Variants in SLC25A48 observed in about 807,000 individuals in gnomAD.
The protein encoded by SLC25A48 is CTC-321K16.1.
In SLC25A48, 29 loss-of-function variants were observed where a neutral mutation model predicts 32.2. That is an observed-to-expected ratio of 0.90 (90% CI 0.67 to 1.23). The LOEUF is 1.23. SLC25A48 is among the 50% of genes most tolerant of loss of function. SLC25A48 has a pLI of 0.00. For synonymous variants in SLC25A48, 164 were observed against 172.3 expected (o/e 0.95, Z 0.38); for missense variants, 399 against 422.7 (o/e 0.94, Z 0.49).
At chr5:135,741,868 G>T (rs1755508235) in intron 3 of SLC25A48, among the ~76,000 whole-genome samples, 1 of 152,168 alleles carries the variant, frequency 6.6e-6, no homozygotes, top group African/African-American at 2.4e-5. Flanking sequence ...ACAAAAAGGG[G>T]TTAATAAGGA....
At chr5:135,861,430 G>A (rs542335864) in intron 4 of SLC25A48, among the ~76,000 whole-genome samples, 55 of 152,060 alleles carry the variant, frequency 3.6e-4, no homozygotes, top group Admixed American at 7.2e-4. Context: ...CCCAAAAAAG[G>A]TTAGACAGCT....
chr5:135,683,207 A>G (rs1753940527), intron 3 of SLC25A48, among the ~76,000 whole-genome samples: 1 of 152,162 alleles, frequency 6.6e-6, no homozygotes, highest in Non-Finnish European at 1.5e-5. Context: ...ATCAGTATTG[A>G]CCAAGGAATG....
intron 3 of SLC25A48, among the ~76,000 whole-genome samples, chr5:135,726,603 T>C (rs1755096851): frequency 6.6e-6 from 1 of 152,238 alleles, no homozygotes; most frequent in Admixed American, 6.5e-5. Flanking sequence ...TTACTCAGCG[T>C]AATGCTCTGG....
chr5:135,615,489 A>G (rs1475653630), intron 1 of SLC25A48, among the ~76,000 whole-genome samples: 1 of 152,178 alleles, frequency 6.6e-6, no homozygotes, highest in African/African-American at 2.4e-5. Context: ...TGGTAGAAGA[A>G]ATTTCTAAGC....
chr5:135,646,571 T>C (rs1181313010), intron 3 of SLC25A48, among the ~76,000 whole-genome samples: 1 of 151,364 alleles, frequency 6.6e-6, no homozygotes, highest in Non-Finnish European at 1.5e-5. Flanking sequence ...ATCTAATTCA[T>C]GTAAAGTACT....
intron 3 of SLC25A48, among the ~76,000 whole-genome samples, chr5:135,702,104 CTATACATTG>C (rs1754408251): frequency 6.6e-6 from 1 of 152,214 alleles, no homozygotes; most frequent in Non-Finnish European, 1.5e-5. Context: ...GCTACAAAGT[CTATACATTG>C]AGCCACCTCA....
chr5:135,830,866 G>A (rs1758186298), upstream of SLC25A48, among the ~76,000 whole-genome samples: 1 of 152,174 alleles, frequency 6.6e-6, no homozygotes, highest in African/African-American at 2.4e-5. Flanking sequence ...GTGGCAGATA[G>A]GTCAGACGGG....
chr5:135,791,038 G>C (rs2126632852), intron 3 of SLC25A48, among the ~76,000 whole-genome samples: 1 of 151,972 alleles, frequency 6.6e-6, no homozygotes, highest in Non-Finnish European at 1.5e-5. Context: ...TACAACATAT[G>C]TGTTCACCCT....
At chr5:135,842,295 A>T in intron 1 of SLC25A48, 121 bp from the exon 2 acceptor site, 1 of 1,001,100 alleles carries the variant, frequency 1.0e-6, no homozygotes, top group African/African-American at 1.6e-5. Context: ...GAGCCCACCC[A>T]CTCCCCCTAC....
chr5:135,686,281 T>C (rs2126954469), intron 3 of SLC25A48, among the ~76,000 whole-genome samples: 1 of 152,242 alleles, frequency 6.6e-6, no homozygotes, highest in South Asian at 2.1e-4. Flanking sequence ...TTTCTGTGGG[T>C]TGTAGAGAGG....
intron 3 of SLC25A48, among the ~76,000 whole-genome samples, chr5:135,850,815 A>G (rs1759792673): frequency 6.6e-6 from 1 of 152,226 alleles, no homozygotes; most frequent in South Asian, 2.1e-4. Flanking sequence ...TCACAAAGGA[A>G]TGAGTGACTG....
At chr5:135,816,088 G>C (rs975904285) in intron 4 of SLC25A48, among the ~76,000 whole-genome samples, 65 of 152,248 alleles carry the variant, frequency 4.3e-4, no homozygotes, top group African/African-American at 1.6e-3. Context: ...AGGAGAGAGA[G>C]AGCGTGCAGG....
chr5:135,617,608 G>A (rs1195870914), intron 1 of SLC25A48, among the ~76,000 whole-genome samples: 4 of 151,110 alleles, frequency 2.6e-5, no homozygotes, highest in Non-Finnish European at 5.9e-5. Context: ...TTCCCTGTTA[G>A]CACTGCTTTT....
intron 1 of SLC25A48, among the ~76,000 whole-genome samples, chr5:135,596,715 T>G (rs1379884455): frequency 6.6e-6 from 1 of 152,186 alleles, no homozygotes; most frequent in African/African-American, 2.4e-5. Context: ...GGGAATTTTC[T>G]TATCCTGTGT....
intron 3 of SLC25A48, chr5:135,812,446 G>C (rs1757612825): frequency 6.6e-6 from 1 of 152,172 alleles, no homozygotes; most frequent in Admixed American, 6.5e-5. Flanking sequence ...AATAGTCCTG[G>C]TGATAGGTGG....
chr5:135,581,990 T>G (rs113570599), intron 1 of SLC25A48, among the ~76,000 whole-genome samples: 142 of 152,310 alleles, frequency 9.3e-4, no homozygotes, highest in African/African-American at 3.2e-3. Flanking sequence ...AGTGGCACTG[T>G]CTGCTTCAAG....
chr5:135,861,313 GCACACACACACACA>G (rs10561751), intron 4 of SLC25A48, among the ~76,000 whole-genome samples: 1 of 145,690 alleles, frequency 6.9e-6, no homozygotes, highest in African/African-American at 2.5e-5. Flanking sequence ...AAATACACAC[GCACACACACACACA>G]CACACACACA....
intron 3 of SLC25A48, among the ~76,000 whole-genome samples, chr5:135,646,947 G>T (rs1300362453): frequency 6.6e-6 from 1 of 151,524 alleles, no homozygotes; most frequent in Non-Finnish European, 1.5e-5. Flanking sequence ...TATATTATAT[G>T]ATATACAATA....
Position 135,808,558 on chromosome 5 carries a change from G to A in SLC25A48, c.-520-3965G>A, listed in dbSNP as rs141672582. ...CATCCATCTCTTGGCTGCCTTCTGC[G>A]TGTAGGCCCTCCTGTATGTGACATC... is the stretch of plus-strand genomic sequence containing the variant. On this transcript the variant is annotated intron_variant, in intron 3 of 10. Transcript: ENST00000646290. 1.6e-4 allele frequency among the ~76,000 whole-genome samples: 25 copies of A among 151,962 alleles called. No individual in the cohort carries two copies. In the East Asian group the frequency reaches 2.5e-3, roughly 15 times the overall value.
Sources: gnomAD v4.1 joint callset for allele counts (sites outside exome capture counted in the v4.1 genomes callset) on GRCh38, gnomAD v4.1.1 for gene constraint, MANE v1.5 for transcripts, NCBI Gene and HGNC (gene_info 2026-07-23, HGNC 2026-07-21) for gene names.